COL17A1: variants seen among roughly 807,000 people sequenced by gnomAD.
COL17A1 encodes collagen alpha-1(XVII) chain.
Under a neutral mutation model 218.4 loss-of-function variants are expected in COL17A1, and 181 were observed. The ratio of observed to expected loss-of-function variants is 0.83; its 90% CI spans 0.73 to 0.94. The LOEUF is 0.94. Ranked by LOEUF, COL17A1 falls within the 40% of genes least tolerant of loss-of-function variation. The probability of loss-of-function intolerance (pLI) is 0.00; values close to 1 mark genes in which losing one functional copy is unlikely to be tolerated. For missense variants in COL17A1, 1,924 were observed against 1,945.9 expected (o/e 0.99, Z 0.21); for synonymous variants, 721 against 731.0 (o/e 0.99, Z 0.22).
intron 41 of COL17A1, 143 bp downstream of exon 41, chr10:104,039,830 C>T: frequency 7.6e-6 from 10 of 1,312,264 alleles, no homozygotes; most frequent in South Asian, 1.2e-5. Context: ...CATGCACACA[C>T]TCAACCATTC....
At chr10:104,053,824 A>C (rs2086493448) in intron 22 of COL17A1, 96 bp downstream of exon 22, 1 of 780,700 alleles carries the variant, frequency 1.3e-6, no homozygotes, top group Admixed American at 2.0e-5. Context: ...TCCAGAGCCT[A>C]AAACAAGGCC....
intron 26 of COL17A1, 46 bp from the exon 27 acceptor site, chr10:104,050,702 C>T (rs773979725): frequency 1.2e-6 from 2 of 1,614,140 alleles, no homozygotes; most frequent in Admixed American, 1.7e-5. Context: ...CTACAAGGGA[C>T]AACCAGGAAG....
chr10:104,032,305 A>T lies in COL17A1; in HGVS notation c.4439-15T>A. 6.2e-7 allele frequency: 1 copy of T among 1,612,414 alleles called. No homozygotes were observed. ...GACTTGGTCACCTGAAAGTTAGAAGATCAGTAGGAAGTTAAAACATATCTT... is the reference window on the plus strand; with the variant it reads ...GACTTGGTCACCTGAAAGTTAGAAGTTCAGTAGGAAGTTAAAACATATCTT... On this transcript the variant is annotated splice_polypyrimidine_tract_variant and intron_variant, in intron 55 of 55. Coordinates refer to ENST00000648076, the MANE Select transcript of COL17A1 (RefSeq NM_000494.4).
Position 104,033,223 on chromosome 10 carries a change from GT to G in COL17A1, c.4294+14del. On this transcript the variant is annotated intron_variant, in intron 53 of 55. Transcript: ENST00000648076. ...CAGTGAGGCAGGTGCTGGGAAAGCA[GT>G]TGGATGCCCTTACTTTGGAAGAAGT... 1 of 1,578,268 alleles carries G rather than the reference GT, an allele frequency of 6.3e-7. No homozygotes were observed. The highest frequency in any genetic ancestry group is 8.6e-7 in the Non-Finnish European group (1 of 1,161,556).
chr10:104,060,033 G>T, intron 14 of COL17A1, 86 bp downstream of exon 14: 1 of 1,596,332 alleles, frequency 6.3e-7, no homozygotes, highest in African/African-American at 1.3e-5. Flanking sequence ...TGACTCATAG[G>T]GTCCCAAACC....
intron 48 of COL17A1, among the ~76,000 whole-genome samples, chr10:104,036,089 A>AGTGT (rs371776835): frequency 6.6e-4 from 1 of 1,514 alleles, no homozygotes; most frequent in Non-Finnish European, 1.4e-3. Flanking sequence ...TGTGTATGGG[A>AGTGT]GTGTGTGTGT....
chr10:104,056,549 T>C (rs1371554994), intron 17 of COL17A1, among the ~76,000 whole-genome samples: 1 of 150,616 alleles, frequency 6.6e-6, no homozygotes, highest in African/African-American at 2.5e-5. Context: ...ACCACTGCAC[T>C]CCAGCCTGGG....
intron 23 of COL17A1, among the ~76,000 whole-genome samples, chr10:104,052,428 C>A (rs2086478794): frequency 6.6e-6 from 1 of 152,104 alleles, no homozygotes; most frequent in Non-Finnish European, 1.5e-5. Flanking sequence ...AGTAGGCACT[C>A]AATAAATTTT....
chr10:104,074,835 C>T (rs543119478), intron 5 of COL17A1, among the ~76,000 whole-genome samples: 8 of 152,212 alleles, frequency 5.3e-5, no homozygotes, highest in Non-Finnish European at 1.2e-4. Flanking sequence ...GGGCCTTACT[C>T]CTGCTTCTCC....
intron 33 of COL17A1, among the ~76,000 whole-genome samples, chr10:104,044,775 A>G (rs889089197): frequency 6.6e-6 from 1 of 152,144 alleles, no homozygotes; most frequent in African/African-American, 2.4e-5. Context: ...CGGGCCCTCA[A>G]AAAGGGAAGG....
At chr10:104,039,407 C>G in intron 43 of COL17A1, 38 bp downstream of exon 43, 1 of 1,605,370 alleles carries the variant, frequency 6.2e-7, no homozygotes, top group African/African-American at 1.3e-5. Flanking sequence ...CAGGCTCACC[C>G]CTACTCCTCA....
At chr10:104,036,729 C>T in intron 47 of COL17A1, 97 bp from the exon 48 acceptor site, 1 of 1,448,848 alleles carries the variant, frequency 6.9e-7, no homozygotes, top group East Asian at 2.4e-5. Context: ...CAAACTGGCT[C>T]CTGCGTGACA....
rs1222964379 is a variant in COL17A1 at position 104,060,136 on chromosome 10, G to A, written c.1124C>T (p.Pro375Leu). 6.2e-7 allele frequency: 1 copy of A among 1,614,128 alleles called. No homozygotes were observed. The highest frequency in any genetic ancestry group is 2.2e-5 in the East Asian group (1 of 44,876). Residue 375 changes from proline to leucine, a missense_variant, in exon 14 of 56, where the codon CCT becomes CTT. Physicochemically the swap from Pro to Leu is moderately conservative, Grantham distance 98. Transcript: ENST00000648076. ...TGACGCACTTGCAGCGATGCTGGCA[G>A]GGGAGGCTGTAAAGACCTTCCCGCT... The part of the protein sequence containing the change: ...KDSGKVFTAS[P>L]ASIAATSFSE...
intron 14 of COL17A1, 61 bp from the exon 15 acceptor site, chr10:104,059,779 G>C: frequency 1.9e-6 from 3 of 1,541,584 alleles, no homozygotes; most frequent in Non-Finnish European, 2.7e-6. Flanking sequence ...ACTCTGTCCT[G>C]TGTTCCCCCC....
At position 104,061,424 on chromosome 10, in the gene COL17A1, A is replaced by C; in HGVS notation, c.960T>G (p.Thr320=). ...NMPQSPAAVN[T]GVSTSAACTT... ...ACTCACCGGCGGAGGTGGAAACGCC[A>C]GTGTTCACAGCCGCAGGACTCTGGG... Residue 320 remains threonine (T), a synonymous_variant, in exon 13 of 56, where the codon ACT becomes ACG. Coordinates refer to ENST00000648076, the MANE Select transcript of COL17A1 (RefSeq NM_000494.4). The C allele has an allele frequency of 6.2e-7, 1 of 1,613,690 alleles. No homozygotes were observed. The highest frequency in any genetic ancestry group is 1.1e-5 in the South Asian group (1 of 91,044).
chr10:104,042,092 G>A (rs938854568), intron 36 of COL17A1, among the ~76,000 whole-genome samples: 3 of 152,200 alleles, frequency 2.0e-5, no homozygotes, highest in Non-Finnish European at 4.4e-5. Context: ...TAAAGGACCC[G>A]GGAGTGAGTC....
At chr10:104,073,778 C>T (rs933732912) in intron 6 of COL17A1, among the ~76,000 whole-genome samples, 2 of 152,120 alleles carry the variant, frequency 1.3e-5, no homozygotes, top group African/African-American at 4.8e-5. Context: ...CACGCAGTTC[C>T]CTTGAAAGCA....
intron 9 of COL17A1, among the ~76,000 whole-genome samples, chr10:104,069,276 G>A (rs560710894): frequency 2.6e-5 from 4 of 152,122 alleles, no homozygotes; most frequent in East Asian, 3.8e-4. Flanking sequence ...AACTGCCACC[G>A]CCAGGAATGT....
chr10:104,041,377 A>C lies in COL17A1; in HGVS notation c.2606-33T>G. ...AGAGAGCAAGGAAGAGGCCATGCTG[A>C]GCTCAGGGAGCTGATGCCACCCCTG... On this transcript the variant is annotated intron_variant, in intron 37 of 55. Coordinates refer to ENST00000648076, the MANE Select transcript of COL17A1 (RefSeq NM_000494.4). The C allele has an allele frequency of 2.5e-6, 4 of 1,606,918 alleles. No homozygotes were observed. The South Asian group carries it at 4.4e-5, about 18-fold the overall frequency.
Sources: gnomAD v4.1 joint callset for allele counts (sites outside exome capture counted in the v4.1 genomes callset) on GRCh38, gnomAD v4.1.1 for gene constraint, MANE v1.5 for transcripts, NCBI Gene and HGNC (gene_info 2026-07-23, HGNC 2026-07-21) for gene names.